Variants in TEK observed in about 807,000 individuals in gnomAD.
The protein encoded by TEK is angiopoietin-1 receptor.
In TEK, 43 loss-of-function variants were observed where a neutral mutation model predicts 131.8. The ratio of observed to expected loss-of-function variants is 0.33; its 90% confidence interval spans 0.26 to 0.42. The LOEUF (loss-of-function observed/expected upper bound fraction) is 0.42. TEK is among the 10% of genes least tolerant of loss of function. The probability of loss-of-function intolerance (pLI) is 1.00; values close to 1 mark genes in which losing one functional copy is unlikely to be tolerated. For missense variants in TEK, 1,162 were observed against 1,384.4 expected (o/e 0.84, Z 2.55); for synonymous variants, 580 against 491.6 (o/e 1.18, Z -2.38).
intron 21 of TEK, among the ~76,000 whole-genome samples, chr9:27,223,504 C>T (rs1396404308): frequency 4.6e-5 from 7 of 152,176 alleles, no homozygotes; most frequent in African/African-American, 1.7e-4. Context: ...GAACAACCTG[C>T]TCCTGAATGA....
At chr9:27,151,707 A>G (rs1823132461) in intron 1 of TEK, among the ~76,000 whole-genome samples, 1 of 152,174 alleles carries the variant, frequency 6.6e-6, no homozygotes, top group Non-Finnish European at 1.5e-5. Flanking sequence ...TTTGCCTATA[A>G]GCTACGAGAC....
intron 1 of TEK, among the ~76,000 whole-genome samples, chr9:27,112,327 C>G (rs1406496363): frequency 1.3e-5 from 2 of 152,174 alleles, no homozygotes; most frequent in Admixed American, 6.5e-5. Context: ...GGGCTGGTCT[C>G]AGAAGGCTAG....
intron 6 of TEK, among the ~76,000 whole-genome samples, chr9:27,173,735 T>TG (rs1824054647): frequency 1.9e-5 from 2 of 108,092 alleles, no homozygotes; most frequent in African/African-American, 3.5e-5. Flanking sequence ...TTTTTTTTTT[T>TG]GGTTTTTTTT....
At chr9:27,173,548 C>G (rs1824044024) in intron 6 of TEK, among the ~76,000 whole-genome samples, 186 bp downstream of exon 6, 1 of 152,148 alleles carries the variant, frequency 6.6e-6, no homozygotes, top group Non-Finnish European at 1.5e-5. Flanking sequence ...AAAATCTAGA[C>G]CGCATAGAAA....
intron 1 of TEK, among the ~76,000 whole-genome samples, chr9:27,131,126 ACT>A (rs1822199255): frequency 6.6e-6 from 1 of 152,084 alleles, no homozygotes. Context: ...TGAAATGTTC[ACT>A]CTCTTACATA....
At chr9:27,123,805 C>G (rs1176131907) in intron 1 of TEK, among the ~76,000 whole-genome samples, 2 of 147,408 alleles carry the variant, frequency 1.4e-5, no homozygotes, top group Non-Finnish European at 3.0e-5. Flanking sequence ...TTGAGATAGT[C>G]TCACTGTGTC....
chr9:27,159,994 T>C (rs1413894834), intron 2 of TEK, among the ~76,000 whole-genome samples: 2 of 147,566 alleles, frequency 1.4e-5, no homozygotes, highest in Non-Finnish European at 3.0e-5. Context: ...AATAATGACA[T>C]TGTCAGCTGT....
chr9:27,210,479 G>GA, intron 16 of TEK: 1 of 190,282 alleles, frequency 5.3e-6, no homozygotes, highest in African/African-American at 2.3e-5. Context: ...CAGTTTTCTG[G>GA]AAAAAGGCTA....
At chr9:27,185,413 G>A in intron 8 of TEK, 72 bp from the exon 9 acceptor site, 8 of 1,539,490 alleles carry the variant, frequency 5.2e-6, no homozygotes, top group South Asian at 1.1e-5. Context: ...CAATGAGATG[G>A]GGTCAATGTT....
In TEK at chr9:27,217,775, T is replaced by G. The variant is rs558418144; in HGVS notation, c.3062+17T>G. The G allele has an allele frequency of 1.3e-6, 2 of 1,538,906 alleles. No individual in the cohort carries two copies. The highest frequency in any genetic ancestry group is 4.2e-5 in the African/African-American group (2 of 47,742). On this transcript the variant is annotated intron_variant, in intron 19 of 22. Transcript: ENST00000380036. Reference sequence around the variant, plus strand: ...CAGTGATGTGTGAGTAAACTTCTTATTGCCAAGGGATTTTTTTTCCCTCCC... The same window carrying G: ...CAGTGATGTGTGAGTAAACTTCTTAGTGCCAAGGGATTTTTTTTCCCTCCC...
chr9:27,204,845 A>G (rs896377289), intron 13 of TEK, 66 bp from the exon 14 acceptor site: 19 of 1,606,576 alleles, frequency 1.2e-5, no homozygotes, highest in Non-Finnish European at 1.6e-5. Context: ...CTTCTCCCAC[A>G]TACGGTGTGG....
In TEK at chr9:27,154,242, A is replaced by G. The variant is rs1265275412; in HGVS notation, c.53-3589A>G. Among the ~76,000 whole-genome samples the G allele has an allele frequency of 9.2e-5, 14 of 152,050 alleles. 1 individual carries two copies. Among genetic ancestry groups the G allele is most frequent in the Admixed American group, 9.2e-4 (14 of 15,262 alleles). ...GCAGGTCTGTTACATAGGTATACAC[A>G]TGCCATGGTGGCTTGCTGCACCCAT... On this transcript the variant is annotated intron_variant, in intron 1 of 22. Coordinates refer to ENST00000380036, the MANE Select transcript of TEK (RefSeq NM_000459.5).
At chr9:27,137,401 A>G (rs1822503908) in intron 1 of TEK, among the ~76,000 whole-genome samples, 1 of 152,148 alleles carries the variant, frequency 6.6e-6, no homozygotes, top group South Asian at 2.1e-4. Context: ...TTTCACATGT[A>G]AGGAGTAGTT....
chr9:27,199,365 A>G (rs1825138343), intron 12 of TEK, among the ~76,000 whole-genome samples: 4 of 152,174 alleles, frequency 2.6e-5, no homozygotes, highest in Non-Finnish European at 5.9e-5. Flanking sequence ...ATGTGCATAG[A>G]CAGGTGTGAG....
chr9:27,125,833 G>A (rs1246253092), intron 1 of TEK, among the ~76,000 whole-genome samples: 3 of 151,872 alleles, frequency 2.0e-5, no homozygotes, highest in Admixed American at 1.3e-4. Context: ...CTGTATAAAT[G>A]TTGTTCCATT....
intron 21 of TEK, among the ~76,000 whole-genome samples, chr9:27,227,051 C>A (rs1826362302): frequency 6.6e-6 from 1 of 152,160 alleles, no homozygotes; most frequent in Non-Finnish European, 1.5e-5. Context: ...TTTTGAGATT[C>A]ACTTCATAAG....
intron 1 of TEK, among the ~76,000 whole-genome samples, chr9:27,121,514 A>T (rs1284254463): frequency 1.3e-5 from 2 of 149,588 alleles, no homozygotes; most frequent in African/African-American, 2.4e-5. Flanking sequence ...TTGTATACAT[A>T]TGTATTTTTA....
At chr9:27,165,251 C>G (rs1823687405) in intron 2 of TEK, among the ~76,000 whole-genome samples, 2 of 152,154 alleles carry the variant, frequency 1.3e-5, no homozygotes, top group Non-Finnish European at 2.9e-5. Flanking sequence ...GTCCCACGGT[C>G]AGCTAAACAA....
intron 4 of TEK, among the ~76,000 whole-genome samples, chr9:27,170,894 A>G (rs1024522274): frequency 1.1e-4 from 17 of 152,200 alleles, no homozygotes; most frequent in African/African-American, 3.9e-4. Context: ...AGAAGCTCAC[A>G]TTTGTACAGC....
Sources: gnomAD v4.1 joint callset for allele counts (sites outside exome capture counted in the v4.1 genomes callset) on GRCh38, gnomAD v4.1.1 for gene constraint, MANE v1.5 for transcripts, NCBI Gene and HGNC (gene_info 2026-07-23, HGNC 2026-07-21) for gene names.